PARP6: variants seen among roughly 807,000 people sequenced by gnomAD.
PARP6 encodes the protein protein mono-ADP-ribosyltransferase PARP6.
PARP6 carries 27 observed loss-of-function variants against 92.0 expected under a neutral mutation model. That is an observed-to-expected ratio of 0.29 (90% CI 0.22 to 0.40). The LOEUF (loss-of-function observed/expected upper bound fraction) is 0.40. PARP6 is among the 10% of genes least tolerant of loss of function. The probability of loss-of-function intolerance (pLI) is 1.00; values close to 1 mark genes in which losing one functional copy is unlikely to be tolerated. For missense variants in PARP6, 501 were observed against 784.5 expected (o/e 0.64, Z 4.32); for synonymous variants, 272 against 281.2 (o/e 0.97, Z 0.33).
chr15:72,270,421 T>TA (rs199947731), intron 2 of PARP6, among the ~76,000 whole-genome samples: 4 of 150,500 alleles, frequency 2.7e-5, no homozygotes, highest in Middle Eastern at 3.4e-3. Flanking sequence ...ATAAAAAGTT[T>TA]AAAAAAAAAA....
Position 72,266,787 on chromosome 15 carries a change from C to A in PARP6, c.39G>T (p.Ser13=). 1 of 1,614,076 alleles carries A rather than the reference C, an allele frequency of 6.2e-7. No individual in the cohort carries two copies. The highest frequency in any genetic ancestry group is 8.5e-7 in the Non-Finnish European group (1 of 1,179,976). ...ATTCCTCTGATTCATTATCTCCCTC[C>A]GAGTCGTCATCATTCCAGAACTGGC... is the stretch of plus-strand genomic sequence containing the variant. ...IKGQFWNDDD[S]EGDNESEEFL... Residue 13 remains serine, a synonymous_variant, in exon 4 of 24, where the codon TCG becomes TCT. Coordinates refer to ENST00000569795, the MANE Select transcript of PARP6 (RefSeq NM_001323532.2).
Position 72,261,680 on chromosome 15 carries a change from T to C in PARP6, c.423A>G (p.Gln141=), listed in dbSNP as rs750081743. ...AGAAATCATTGCTCAGATGTTTCCA[T>C]TGTTGGGATGTAAACATACCCAGGA... The part of the protein sequence containing the change: ...KKILGMFTSQ[Q]WKHLSNDFLK... Residue 141 remains glutamine (Q), a synonymous_variant, in exon 9 of 24, where the codon CAA becomes CAG. Coordinates refer to ENST00000569795, the MANE Select transcript of PARP6 (RefSeq NM_001323532.2). 4 of 1,614,086 alleles carry C rather than the reference T, an allele frequency of 2.5e-6. No homozygotes were observed. The highest frequency in any genetic ancestry group is 1.6e-4 in the Middle Eastern group (1 of 6,062).
At chr15:72,267,705 C>A in intron 2 of PARP6, 34 bp from the exon 3 acceptor site, 1 of 550,524 alleles carries the variant, frequency 1.8e-6, no homozygotes, top group Non-Finnish European at 3.3e-6. Context: ...GTTTCATCAC[C>A]ACTTAATAGC....
intron 14 of PARP6, among the ~76,000 whole-genome samples, 158 bp downstream of exon 14, chr15:72,256,307 T>C (rs2085121831): frequency 1.3e-5 from 2 of 152,182 alleles, no homozygotes; most frequent in Non-Finnish European, 2.9e-5. Flanking sequence ...CCTTTCTGTG[T>C]CAAACTTGGC....
chr15:72,261,468 G>T, intron 9 of PARP6, 90 bp downstream of exon 9: 1 of 1,152,246 alleles, frequency 8.7e-7, no homozygotes, highest in Non-Finnish European at 1.3e-6. Flanking sequence ...TCAGGGAAGA[G>T]AGGGGATAGA....
At position 72,242,981 on chromosome 15, in the gene PARP6, G is replaced by A; in HGVS notation, c.1562-282C>T. 5.0e-6 allele frequency: 2 copies of A among 401,110 alleles called. No individual in the cohort carries two copies. The highest frequency in any genetic ancestry group is 8.9e-6 in the Non-Finnish European group (2 of 225,148). The allele number at this position is 401,110 out of a possible 1,614,324, so 24.8% of individuals were successfully genotyped here. On this transcript the variant is annotated intron_variant, in intron 20 of 23. Transcript: ENST00000569795. The surrounding 1 kb of genome is among the most constrained non-coding windows in gnomAD (Gnocchi z 4.3). ...TAAAGAAGTCATGTGGTGACAGCTA[G>A]ACTGAGAACTGCAGGATTAGGAAGA... is the stretch of plus-strand genomic sequence containing the variant.
chr15:72,266,815 T>C lies in PARP6; in HGVS notation c.11A>G (p.Lys4Arg), dbSNP rs374826770. 2 of 1,613,164 alleles carry C rather than the reference T, an allele frequency of 1.2e-6. No individual in the cohort carries two copies. The highest frequency in any genetic ancestry group is 1.3e-5 in the African/African-American group (1 of 74,920). MDIKGQFWNDDDSE... is the reference protein window; with the variant it reads MDIRGQFWNDDDSE... ...GTCGTCATCATTCCAGAACTGGCCT[T>C]TGATGTCCTAGTGGTGAGAAATAAG... Residue 4 changes from lysine to arginine, a missense_variant, in exon 4 of 24, where the codon AAA becomes AGA. By Grantham distance (26) the Lys-to-Arg change is conservative (BLOSUM62 2). This residue lies in a region of PARP6 where 291 missense variants were observed against 352.0 expected (regional missense o/e 0.83). Coordinates refer to ENST00000569795, the MANE Select transcript of PARP6 (RefSeq NM_001323532.2).
intron 19 of PARP6, 31 bp from the exon 20 acceptor site, chr15:72,249,345 G>A (rs1567175840): frequency 4.4e-6 from 6 of 1,364,376 alleles, no homozygotes; most frequent in African/African-American, 1.4e-5. Flanking sequence ...TGAGTAATAT[G>A]AGCCTGGGCC....
At chr15:72,266,624 C>T in intron 4 of PARP6, 121 bp downstream of exon 4, 1 of 745,548 alleles carries the variant, frequency 1.3e-6, no homozygotes, top group South Asian at 1.6e-5. Context: ...ATGCTCAGAC[C>T]ACATCAACAT....
At chr15:72,248,060 C>T (rs539712010) in intron 20 of PARP6, among the ~76,000 whole-genome samples, 93 of 152,190 alleles carry the variant, frequency 6.1e-4, no homozygotes, top group African/African-American at 2.1e-3. Context: ...TGTGAGCCAC[C>T]GTGCCCCGCC....
rs2140983057 is a variant in PARP6 at position 72,254,472 on chromosome 15, T to C, written c.1174A>G (p.Ile392Val). 3.1e-6 allele frequency: 5 copies of C among 1,613,112 alleles called. No individual in the cohort carries two copies. Among genetic ancestry groups the C allele is most frequent in the East Asian group, 2.2e-5 (1 of 44,884 alleles). The change falls in exon 15 of 24, where the codon ATT (isoleucine) becomes GTT (valine). Residue 392 changes from isoleucine to valine, a missense_variant. Around this residue, in one of 4 missense-constraint regions of PARP6, gnomAD observed 191 missense variants for 399.1 expected, o/e 0.48. Transcript: ENST00000569795. ...LQKALDSVMS[I>V]REMTQGSYLE... The stretch of plus-strand genomic sequence containing the variant: ...CAGAATACCTGGGTCATCTCCCGAA[T>C]AGACATCACACTATCCAGAGCTTTC...
chr15:72,270,187 A>G (rs1474035182), intron 2 of PARP6, among the ~76,000 whole-genome samples: 3 of 152,182 alleles, frequency 2.0e-5, no homozygotes, highest in African/African-American at 7.2e-5. Flanking sequence ...ACAACATGCA[A>G]ACGGAAAGTA....
chr15:72,261,507 TG>T, intron 9 of PARP6, 50 bp downstream of exon 9: 3 of 1,420,828 alleles, frequency 2.1e-6, no homozygotes, highest in Middle Eastern at 1.9e-4. Flanking sequence ...AAGGTGGGGG[TG>T]GGGGCTATCA....
intron 10 of PARP6, among the ~76,000 whole-genome samples, chr15:72,260,073 G>A (rs1240793249): frequency 6.6e-6 from 1 of 152,202 alleles, no homozygotes; most frequent in Non-Finnish European, 1.5e-5. Context: ...TGTAATCCCA[G>A]CACTTTGGGA....
At chr15:72,266,051 GATA>G in intron 4 of PARP6, 60 bp from the exon 5 acceptor site, 1 of 1,128,280 alleles carries the variant, frequency 8.9e-7, no homozygotes, top group Non-Finnish European at 1.3e-6. Flanking sequence ...GAAAGAGAGA[GATA>G]ATAAAAAGAA....
intron 2 of PARP6, among the ~76,000 whole-genome samples, chr15:72,268,458 A>ATT (rs2086898709): frequency 6.6e-6 from 1 of 152,222 alleles, no homozygotes; most frequent in Non-Finnish European, 1.5e-5. Context: ...GCTAACTTAA[A>ATT]AAGTCCTCAA....
chr15:72,259,015 G>A (rs918644027), intron 11 of PARP6, among the ~76,000 whole-genome samples: 1 of 152,224 alleles, frequency 6.6e-6, no homozygotes, highest in Non-Finnish European at 1.5e-5. Flanking sequence ...CCCATAGTAT[G>A]TGACACACAG....
intron 11 of PARP6, among the ~76,000 whole-genome samples, chr15:72,258,417 C>T (rs980074010): frequency 6.6e-6 from 1 of 152,094 alleles, no homozygotes; most frequent in Non-Finnish European, 1.5e-5. Context: ...TTAACCTGAG[C>T]CTTGGTTTCT....
At chr15:72,272,216 C>CG (rs2141157795) in intron 1 of PARP6, 177 bp downstream of exon 1, 1 of 152,388 alleles carries the variant, frequency 6.6e-6, no homozygotes, top group Non-Finnish European at 1.5e-5. Flanking sequence ...AGGCCTCTCC[C>CG]GGGGAAGCAG....
Sources: allele counts gnomAD v4.1 joint callset (sites outside exome capture counted in the v4.1 genomes callset), GRCh38; gene constraint gnomAD v4.1.1; regional missense constraint gnomAD v4.1.1; non-coding constraint Gnocchi (gnomAD v3.1); transcripts MANE v1.5; gene names NCBI Gene and HGNC (gene_info 2026-07-23, HGNC 2026-07-21).